The following ANKS1B variants were observed in gnomAD, a reference collection of about 807,000 sequenced individuals.
The protein encoded by ANKS1B is ankyrin repeat and sterile alpha motif domain-containing protein 1B.
A neutral mutation model predicts 148.3 loss-of-function variants in ANKS1B; 36 were observed. That is an observed-to-expected ratio of 0.24 (90% CI 0.19 to 0.32). The LOEUF (loss-of-function observed/expected upper bound fraction) is 0.32. ANKS1B is among the 10% of genes least tolerant of loss of function. The pLI, the probability that ANKS1B is intolerant of heterozygous loss-of-function variation, is 1.00. For synonymous variants in ANKS1B, 542 were observed against 560.8 expected (o/e 0.97, Z 0.47); for missense variants, 1,157 against 1,542.6 (o/e 0.75, Z 4.19).
intron 12 of ANKS1B, among the ~76,000 whole-genome samples, chr12:99,374,087 T>C (rs906407867): frequency 6.6e-6 from 1 of 152,226 alleles, no homozygotes; most frequent in African/African-American, 2.4e-5. Flanking sequence ...TAGGTTGTTT[T>C]AATCCAAAGA....
intron 8 of ANKS1B, among the ~76,000 whole-genome samples, chr12:99,672,032 CCAAGA>C (rs2153470533): frequency 6.6e-6 from 1 of 152,072 alleles, no homozygotes; most frequent in East Asian, 1.9e-4. Context: ...TTCAGATGTA[CCAAGA>C]CAAGTTCAAA....
At chr12:99,028,458 A>G (rs12811441) in intron 17 of ANKS1B, among the ~76,000 whole-genome samples, 1 of 152,220 alleles carries the variant, frequency 6.6e-6, no homozygotes, top group African/African-American at 2.4e-5. Flanking sequence ...TACATTATAC[A>G]TTTATTCCCA....
chr12:99,139,422 C>CT lies in ANKS1B; in HGVS notation c.2526+14866dup, dbSNP rs1555294137. ...TCTTTCTTTCTTTCTTTCTTTCTTT[C>CT]TTTCTTTCTTTCTTTCTTTTTCTTT... On this transcript the variant is annotated intron_variant, in intron 15 of 26. Coordinates refer to ENST00000683438, the MANE Select transcript of ANKS1B (RefSeq NM_001352186.2). Among the ~76,000 whole-genome samples the CT allele has an allele frequency of 1.3e-3, 6 of 4,600 alleles. 1 individual carries two copies. In the African/African-American group the frequency reaches 0.025, roughly 19 times the overall value. 3.0% of individuals were successfully genotyped at this position (4,600 alleles called of 152,430 possible).
At chr12:99,567,796 A>G (rs11109924) in intron 9 of ANKS1B, among the ~76,000 whole-genome samples, 2,004 of 152,324 alleles carry the variant, frequency 0.013, 48 homozygotes, top group African/African-American at 0.046. Flanking sequence ...TCAAAAGACC[A>G]TAACTGCTCT....
chr12:99,638,097 C>G (rs1034615890), intron 9 of ANKS1B, among the ~76,000 whole-genome samples: 2 of 151,982 alleles, frequency 1.3e-5, no homozygotes, highest in African/African-American at 2.4e-5. Flanking sequence ...TGAAGAAGAA[C>G]ATATTTGTTT....
At chr12:98,839,193 A>C (rs1437985468) in intron 17 of ANKS1B, among the ~76,000 whole-genome samples, 2 of 152,246 alleles carry the variant, frequency 1.3e-5, no homozygotes, top group African/African-American at 4.8e-5. Context: ...AAAGGGGACA[A>C]TAACAGTCTT....
chr12:99,074,458 C>T (rs751867527), intron 16 of ANKS1B, among the ~76,000 whole-genome samples: 13 of 152,144 alleles, frequency 8.5e-5, no homozygotes, highest in Non-Finnish European at 1.6e-4. Flanking sequence ...ATTGCGTGCT[C>T]TCACGCCCAG....
intron 11 of ANKS1B, among the ~76,000 whole-genome samples, chr12:99,441,950 T>C (rs1222547270): frequency 1.3e-5 from 2 of 151,958 alleles, no homozygotes; most frequent in Non-Finnish European, 2.9e-5. Flanking sequence ...ACCAAGTGCA[T>C]TTACATTAGA....
At chr12:99,298,185 G>T (rs935804758) in intron 12 of ANKS1B, among the ~76,000 whole-genome samples, 1 of 152,172 alleles carries the variant, frequency 6.6e-6, no homozygotes, top group Admixed American at 6.5e-5. Flanking sequence ...AATAACTATA[G>T]TAGCTTTCAT....
intron 9 of ANKS1B, among the ~76,000 whole-genome samples, chr12:99,602,488 G>T (rs537698278): frequency 2.0e-5 from 3 of 151,996 alleles, no homozygotes; most frequent in Non-Finnish European, 4.4e-5. Flanking sequence ...GAGTCCAGAG[G>T]GTATCCAATT....
intron 17 of ANKS1B, chr12:98,895,178 G>C: frequency 1.0e-6 from 1 of 985,166 alleles, no homozygotes; most frequent in Non-Finnish European, 1.2e-6. Flanking sequence ...GCCCAGGCGC[G>C]GCGCGCGGGG....
chr12:98,812,404 T>C (rs909631488), intron 19 of ANKS1B, among the ~76,000 whole-genome samples: 2 of 152,100 alleles, frequency 1.3e-5, no homozygotes, highest in African/African-American at 2.4e-5. Flanking sequence ...CCATCTCACG[T>C]TGGGTAAATA....
intron 17 of ANKS1B, among the ~76,000 whole-genome samples, chr12:99,026,981 A>T (rs1273024825): frequency 1.2e-4 from 18 of 152,198 alleles, no homozygotes; most frequent in Admixed American, 1.2e-3. Flanking sequence ...GTAAAGCAGA[A>T]AGTCCTTTTT....
chr12:99,779,825 CATCTT>C, intron 6 of ANKS1B, 41 bp downstream of exon 6: 1 of 1,407,716 alleles, frequency 7.1e-7, no homozygotes, highest in African/African-American at 1.4e-5. Context: ...GTTTTAATCT[CATCTT>C]AACTTTAAGG....
chr12:99,481,149 C>A (rs574496411), intron 10 of ANKS1B, among the ~76,000 whole-genome samples: 1 of 151,684 alleles, frequency 6.6e-6, no homozygotes, highest in South Asian at 2.1e-4. Context: ...TACATTGTAC[C>A]TAATGTGTAG....
intron 17 of ANKS1B, among the ~76,000 whole-genome samples, chr12:98,857,476 G>A (rs1055996762): frequency 6.6e-6 from 1 of 151,764 alleles, no homozygotes; most frequent in Non-Finnish European, 1.5e-5. Context: ...CACAGATGGA[G>A]TTATTGGCTT....
intron 9 of ANKS1B, among the ~76,000 whole-genome samples, chr12:99,543,909 C>T (rs1432106178): frequency 6.6e-6 from 1 of 152,016 alleles, no homozygotes; most frequent in Non-Finnish European, 1.5e-5. Context: ...AGTCTAGTAA[C>T]ACATGAGGAA....
intron 9 of ANKS1B, among the ~76,000 whole-genome samples, chr12:99,631,901 T>C (rs952780767): frequency 6.6e-6 from 1 of 152,184 alleles, no homozygotes; most frequent in Admixed American, 6.5e-5. Context: ...ACCAAGGGTG[T>C]AGCCCAGTGA....
intron 12 of ANKS1B, among the ~76,000 whole-genome samples, chr12:99,265,927 C>T (rs2153985317): frequency 6.6e-6 from 1 of 152,308 alleles, no homozygotes; most frequent in South Asian, 2.1e-4. Context: ...ACTTTGCCTT[C>T]TATCTTGCAA....
Sources: allele counts gnomAD v4.1 joint callset (sites outside exome capture counted in the v4.1 genomes callset), GRCh38; gene constraint gnomAD v4.1.1; transcripts MANE v1.5; gene names NCBI Gene and HGNC (gene_info 2026-07-23, HGNC 2026-07-21).